ZDHHC3: variants seen among roughly 807,000 people sequenced by gnomAD.
ZDHHC3 encodes zDHHC palmitoyltransferase 3.
A neutral mutation model predicts 30.6 loss-of-function variants in ZDHHC3; 9 were observed. That is an observed-to-expected ratio of 0.29 (90% CI 0.18 to 0.51). The LOEUF is 0.51. ZDHHC3 is among the 20% of genes least tolerant of loss of function. ZDHHC3 has a pLI of 0.97. For synonymous variants in ZDHHC3, 136 were observed against 140.2 expected (o/e 0.97, Z 0.21); for missense variants, 246 against 384.2 (o/e 0.64, Z 3.01).
Position 44,920,214 on chromosome 3 carries a change from TG to T in ZDHHC3, c.*6474del. On this transcript the variant is annotated 3_prime_UTR_variant, in exon 7 of 7. Coordinates refer to ENST00000424952, the MANE Select transcript of ZDHHC3 (RefSeq NM_001135179.2). ...GACCTTCATGTGGGTCATGAGCATG[TG>T]ATGCCATGCTGCTTCCTGACTGGCC... is the stretch of plus-strand genomic sequence containing the variant. 1 of 1,289,994 alleles carries T rather than the reference TG, an allele frequency of 7.8e-7. No individual in the cohort carries two copies. The highest frequency in any genetic ancestry group is 1.0e-6 in the Non-Finnish European group (1 of 988,908). 79.9% of individuals were successfully genotyped at this position (1,289,994 alleles called of 1,614,324 possible).
intron 2 of ZDHHC3, among the ~76,000 whole-genome samples, chr3:44,957,279 C>T (rs1441752493): frequency 6.6e-6 from 1 of 152,204 alleles, no homozygotes; most frequent in African/African-American, 2.4e-5. Context: ...CCCGTCACTA[C>T]AAAGTGAGCT....
rs2125953933 is a variant in ZDHHC3, at chr3:44,976,061, G to A, written c.-153C>T. 2.4e-6 allele frequency: 1 copy of A among 411,798 alleles called. No homozygotes were observed. The highest frequency in any genetic ancestry group is 3.7e-5 in the East Asian group (1 of 26,926). The allele number at this position is 411,798 out of a possible 1,614,324, so 25.5% of individuals were successfully genotyped here. On this transcript the variant is annotated 5_prime_UTR_variant, in exon 1 of 7. Coordinates refer to ENST00000424952, the MANE Select transcript of ZDHHC3 (RefSeq NM_001135179.2). ...CTTCGGCGATGGCTCCTCGGAACGA[G>A]GCGCCGCGGCTCTCTGGACTCGGCC...
In ZDHHC3 at chr3:44,959,582, T is replaced by G. The variant is rs1021840229; in HGVS notation, c.-24-122A>C. The G allele has an allele frequency of 2.7e-6, 2 of 747,180 alleles. No individual in the cohort carries two copies. The highest frequency in any genetic ancestry group is 5.3e-5 in the East Asian group (2 of 37,460). The allele number at this position is 747,180 out of a possible 1,614,324, so 46.3% of individuals were successfully genotyped here. A position where few individuals can be genotyped will look rare whatever the true frequency, so the allele number is the denominator to read the frequency against. On this transcript the variant is annotated intron_variant, in intron 1 of 6. Transcript: ENST00000424952. This position sits in a 1 kb window ranked among gnomAD's most constrained non-coding sequence, Gnocchi z 4.3. ...TGCAACCCCTGTGTGCAAAGCCACC[T>G]AATCACCTTGTTCATTTAAAACATG...
chr3:44,917,165 T>G lies in ZDHHC3; in HGVS notation c.*9524A>C, dbSNP rs2125769849. ...CTGTCTCGCTCAGTGAAGACTCCAGTGTCTGTGGAATGGGGGCTCATTTTC... is the reference window on the plus strand; with the variant it reads ...CTGTCTCGCTCAGTGAAGACTCCAGGGTCTGTGGAATGGGGGCTCATTTTC... On this transcript the variant is annotated 3_prime_UTR_variant, in exon 7 of 7. Transcript: ENST00000424952. The G allele has an allele frequency of 6.6e-6, 1 of 152,620 alleles. No individual in the cohort carries two copies. Among genetic ancestry groups the G allele is most frequent in the Non-Finnish European group, 1.5e-5 (1 of 68,334 alleles). The allele number at this position is 152,620 out of a possible 1,614,324, so 9.5% of individuals were successfully genotyped here. A position where few individuals can be genotyped will look rare whatever the true frequency, so the allele number is the denominator to read the frequency against.
rs772433987 is a variant in ZDHHC3, at chr3:44,933,401, C to T, written c.529-202G>A. ...CCTGGGTCAAGTGAGCAGCCACCTC[C>T]GGGAGTACGTGGAACCAGAACAGAA... On this transcript the variant is annotated intron_variant, in intron 4 of 6. Coordinates refer to ENST00000424952, the MANE Select transcript of ZDHHC3 (RefSeq NM_001135179.2). The T allele has an allele frequency of 3.0e-4, 182 of 607,166 alleles. No individual in the cohort carries two copies. The Middle Eastern group carries it at 3.5e-3, about 12-fold the overall frequency. The allele number at this position is 607,166 out of a possible 1,614,324, so 37.6% of individuals were successfully genotyped here.
At position 44,919,157 on chromosome 3, in the gene ZDHHC3, A is replaced by G. The variant is rs915652065; in HGVS notation, c.*7532T>C. 11 of 947,836 alleles carry G rather than the reference A, an allele frequency of 1.2e-5. No homozygotes were observed. Among genetic ancestry groups the G allele is most frequent in the Non-Finnish European group, 1.4e-5 (11 of 796,354 alleles). The allele number at this position is 947,836 out of a possible 1,614,324, so 58.7% of individuals were successfully genotyped here. ...GTATATCCTCATAAGATACTTATCAATTACAAAGGGAAAAACAGTACCTTA... is the reference window on the plus strand; with the variant it reads ...GTATATCCTCATAAGATACTTATCAGTTACAAAGGGAAAAACAGTACCTTA... On this transcript the variant is annotated 3_prime_UTR_variant, in exon 7 of 7. Coordinates refer to ENST00000424952, the MANE Select transcript of ZDHHC3 (RefSeq NM_001135179.2).
chr3:44,928,115 T>G (rs746637485), intron 6 of ZDHHC3, among the ~76,000 whole-genome samples: 1 of 152,202 alleles, frequency 6.6e-6, no homozygotes, highest in Non-Finnish European at 1.5e-5. Flanking sequence ...CCCGTATATC[T>G]TACGTAGAGA....
intron 5 of ZDHHC3, among the ~76,000 whole-genome samples, chr3:44,929,918 G>A (rs1200985767): frequency 5.3e-5 from 8 of 152,246 alleles, no homozygotes; most frequent in Admixed American, 5.2e-4. Context: ...CAGCTCACAG[G>A]CAGCTGTGGA....
In ZDHHC3 at chr3:44,960,254, C is replaced by G. The variant is rs1475853148; in HGVS notation, c.-24-794G>C. Among the ~76,000 whole-genome samples the G allele has an allele frequency of 3.9e-5, 6 of 152,206 alleles. No individual in the cohort carries two copies. The East Asian group carries it at 7.7e-4, about 20-fold the overall frequency. ...AGGGGTGCTTCATGTGCCATTGTTT[C>G]CTCACCTGTGAAAACACCTACATTC... On this transcript the variant is annotated intron_variant, in intron 1 of 6. Transcript: ENST00000424952.
chr3:44,941,053 C>T (rs897450509), intron 3 of ZDHHC3, among the ~76,000 whole-genome samples: 1 of 152,162 alleles, frequency 6.6e-6, no homozygotes, highest in African/African-American at 2.4e-5. Flanking sequence ...CAGAGCCAAG[C>T]CCAGGGCCCC....
intron 5 of ZDHHC3, among the ~76,000 whole-genome samples, chr3:44,932,456 G>C (rs545285469): frequency 2.6e-4 from 40 of 152,312 alleles, no homozygotes; most frequent in African/African-American, 8.9e-4. Context: ...CACAGATTGT[G>C]AGTATGAAAG....
chr3:44,945,201 C>T lies in ZDHHC3; in HGVS notation c.398G>A (p.Cys133Tyr). ...GTGGGCTCGGTCGGGCTTGATGCTG[C>T]AGCATTTGGGGCACTTGTACACCAC... ...GQVVYKCPKC[C>Y]SIKPDRAHHC... The change falls in exon 3 of 7, where the codon TGC becomes TAC. Residue 133 changes from cysteine to tyrosine, a missense_variant. By Grantham distance (194) the Cys-to-Tyr change is radical. Transcript: ENST00000424952. 6.2e-7 allele frequency: 1 copy of T among 1,614,144 alleles called. No individual in the cohort carries two copies. Among genetic ancestry groups the T allele is most frequent in the Non-Finnish European group, 8.5e-7 (1 of 1,180,038 alleles).
In ZDHHC3 at chr3:44,919,032, ATC is replaced by A; in HGVS notation, c.*7655_*7656del. On this transcript the variant is annotated 3_prime_UTR_variant, in exon 7 of 7. Transcript: ENST00000424952. ...TGCTCCTTCACATGACTCAAGAAAG[ATC>A]TCTGTGTATCTAGCACTTTTTCTTC... is the stretch of plus-strand genomic sequence containing the variant. 1.0e-6 allele frequency: 1 copy of A among 985,404 alleles called. No individual in the cohort carries two copies. The highest frequency in any genetic ancestry group is 1.2e-6 in the Non-Finnish European group (1 of 829,926). 61.0% of individuals were successfully genotyped at this position (985,404 alleles called of 1,614,324 possible).
In ZDHHC3 at chr3:44,923,754, A is replaced by G; in HGVS notation, c.*2935T>C. On this transcript the variant is annotated 3_prime_UTR_variant, in exon 7 of 7. Coordinates refer to ENST00000424952, the MANE Select transcript of ZDHHC3 (RefSeq NM_001135179.2). Reference sequence around the variant, plus strand: ...GGAGTTCAAGGCTGCAGTGAGCTCTAATTGTGCCACTGCATTCCAGCCTGG... The same window carrying G: ...GGAGTTCAAGGCTGCAGTGAGCTCTGATTGTGCCACTGCATTCCAGCCTGG... The G allele has an allele frequency of 3.2e-6, 3 of 947,036 alleles. No individual in the cohort carries two copies. The highest frequency in any genetic ancestry group is 5.4e-4 in the Middle Eastern group (1 of 1,850). 58.7% of individuals were successfully genotyped at this position (947,036 alleles called of 1,614,324 possible).
At chr3:44,944,932 C>G (rs932019272) in intron 3 of ZDHHC3, among the ~76,000 whole-genome samples, 3 of 152,176 alleles carry the variant, frequency 2.0e-5, no homozygotes, top group Non-Finnish European at 4.4e-5. Context: ...AGCCAAGTCC[C>G]GGGACAGGTG....
At chr3:44,934,472 G>T (rs1260359606) in intron 3 of ZDHHC3, among the ~76,000 whole-genome samples, 1 of 149,724 alleles carries the variant, frequency 6.7e-6, no homozygotes, top group African/African-American at 2.5e-5. Context: ...ACCATGGAAG[G>T]ACAAAGGACA....
intron 2 of ZDHHC3, 156 bp from the exon 3 acceptor site, chr3:44,945,448 G>A (rs1702833969): frequency 1.1e-5 from 12 of 1,109,684 alleles, no homozygotes; most frequent in Non-Finnish European, 1.4e-5. Flanking sequence ...TCAGAATTAT[G>A]CCAACATTAA....
At chr3:44,942,881 C>G (rs144273914) in intron 3 of ZDHHC3, among the ~76,000 whole-genome samples, 17 of 152,316 alleles carry the variant, frequency 1.1e-4, no homozygotes, top group African/African-American at 3.4e-4. Flanking sequence ...TCTGCTCCAC[C>G]ATACCGGGCT....
chr3:44,947,257 G>C (rs777113702), intron 2 of ZDHHC3, among the ~76,000 whole-genome samples: 1 of 152,166 alleles, frequency 6.6e-6, no homozygotes, highest in Non-Finnish European at 1.5e-5. Flanking sequence ...TTCAGTTAGG[G>C]TATGCTGAGT....
Sources: allele counts gnomAD v4.1 joint callset (sites outside exome capture counted in the v4.1 genomes callset), GRCh38; gene constraint gnomAD v4.1.1; non-coding constraint Gnocchi (gnomAD v3.1); transcripts MANE v1.5; gene names NCBI Gene and HGNC (gene_info 2026-07-23, HGNC 2026-07-21).